The following EFCAB6 variants were observed in gnomAD, a reference collection of about 807,000 sequenced individuals.
EFCAB6 encodes the protein EF-hand calcium-binding domain-containing protein 6.
EFCAB6 carries 156 observed loss-of-function variants against 169.8 expected under a neutral mutation model. The observed-to-expected ratio is 0.92, with a 90% confidence interval of 0.81 to 1.05. The LOEUF is 1.05. EFCAB6 is among the 50% of genes least tolerant of loss of function. The pLI is 0.00. For synonymous variants in EFCAB6, 698 were observed against 676.4 expected, an observed-to-expected ratio of 1.03 and a Z score of -0.50; for missense variants, 1,800 against 1,829.1, an observed-to-expected ratio of 0.98 and a Z score of 0.29.
intron 10 of EFCAB6, among the ~76,000 whole-genome samples, chr22:43,690,474 C>T (rs886368065): frequency 6.6e-6 from 1 of 151,554 alleles, no homozygotes; most frequent in Non-Finnish European, 1.5e-5. Context: ...CGAGATCATG[C>T]CACTGCACTC....
chr22:43,633,949 G>C (rs999932198), intron 18 of EFCAB6, among the ~76,000 whole-genome samples: 5 of 152,170 alleles, frequency 3.3e-5, no homozygotes, highest in Non-Finnish European at 7.4e-5. Context: ...TCTCCACCTT[G>C]CTAGAATCTT....
intron 5 of EFCAB6, among the ~76,000 whole-genome samples, chr22:43,758,441 T>A (rs1387641845): frequency 6.6e-6 from 1 of 152,224 alleles, no homozygotes; most frequent in Admixed American, 6.5e-5. Context: ...AAAATCACAA[T>A]GTGCATATAT....
chr22:43,582,118 C>T (rs544219180), intron 24 of EFCAB6, among the ~76,000 whole-genome samples: 1 of 152,186 alleles, frequency 6.6e-6, no homozygotes, highest in African/African-American at 2.4e-5. Context: ...AAATCCCAGT[C>T]CTTTTGTTGT....
At chr22:43,539,117 C>T (rs2047548241) in intron 28 of EFCAB6, among the ~76,000 whole-genome samples, 1 of 152,036 alleles carries the variant, frequency 6.6e-6, no homozygotes, top group South Asian at 2.1e-4. Context: ...CATGTGATTA[C>T]CCTGAGCCCA....
chr22:43,631,988 C>G, intron 19 of EFCAB6, 117 bp downstream of exon 19: 1 of 1,420,710 alleles, frequency 7.0e-7, no homozygotes, highest in Non-Finnish European at 9.5e-7. Context: ...GGGAAATGCT[C>G]TGTGTCCCTT....
At chr22:43,539,090 A>G (rs1342113536) in intron 28 of EFCAB6, among the ~76,000 whole-genome samples, 2 of 152,008 alleles carry the variant, frequency 1.3e-5, no homozygotes. Flanking sequence ...CTGCCTCTGG[A>G]TTCCCAGTTA....
chr22:43,743,211 CTG>C (rs749599612), intron 6 of EFCAB6, among the ~76,000 whole-genome samples: 1 of 152,202 alleles, frequency 6.6e-6, no homozygotes, highest in African/African-American at 2.4e-5. Flanking sequence ...GAAGCAGAGA[CTG>C]TCTGACCTTT....
rs185460934 is a variant in EFCAB6 at position 43,657,030 on chromosome 22, C to T, written c.1983+10074G>A. ...GATGGCCAGGCATGGTGGCTCACAC[C>T]TATAATCCCAGTACTTCGGGAGGCT... is the stretch of plus-strand genomic sequence containing the variant. On this transcript the variant is annotated intron_variant, in intron 17 of 31. Transcript: ENST00000262726. 2.6e-5 allele frequency among the ~76,000 whole-genome samples: 4 copies of T among 152,308 alleles called. No individual in the cohort carries two copies. The East Asian group carries it at 7.7e-4, about 29-fold the overall frequency.
At chr22:43,784,541 G>GTGTGTGTGTGTGTGTATATA (rs1556409935) in intron 2 of EFCAB6, among the ~76,000 whole-genome samples, 1 of 79,706 alleles carries the variant, frequency 1.3e-5, no homozygotes, top group East Asian at 6.2e-4. Context: ...GTGTGTGTGT[G>GTGTGTGTGTGTGTGTATATA]TGTATATGTA....
chr22:43,598,311 G>A (rs137715), intron 23 of EFCAB6, among the ~76,000 whole-genome samples: 111,715 of 112,860 alleles, frequency 0.99, 55,300 homozygotes, highest in Middle Eastern at 0.99. Context: ...CTGTCTCCGG[G>A]AAAAAAAAAA....
At chr22:43,630,572 T>C (rs371864379) in intron 19 of EFCAB6, among the ~76,000 whole-genome samples, 1 of 152,230 alleles carries the variant, frequency 6.6e-6, no homozygotes, top group South Asian at 2.1e-4. Context: ...GGGGCCTGCA[T>C]TGCAATGGGC....
chr22:43,799,393 A>T (rs1484892887), intron 2 of EFCAB6, among the ~76,000 whole-genome samples: 1 of 151,884 alleles, frequency 6.6e-6, no homozygotes, highest in Non-Finnish European at 1.5e-5. Flanking sequence ...CATGTGTTAA[A>T]ATTTCATAGG....
intron 3 of EFCAB6, among the ~76,000 whole-genome samples, chr22:43,773,335 A>G (rs180826143): frequency 1.8e-4 from 28 of 152,356 alleles, no homozygotes; most frequent in African/African-American, 6.7e-4. Context: ...AGTAAGAAAA[A>G]AAAAGAGAAT....
At chr22:43,534,612 C>A in intron 30 of EFCAB6, 76 bp downstream of exon 30, 3 of 1,375,060 alleles carry the variant, frequency 2.2e-6, no homozygotes, top group South Asian at 1.5e-5. Flanking sequence ...TAGAGTAAGA[C>A]CCTGTCTTGA....
At chr22:43,766,357 A>G (rs1473428218) in intron 4 of EFCAB6, among the ~76,000 whole-genome samples, 3 of 152,046 alleles carry the variant, frequency 2.0e-5, no homozygotes, top group African/African-American at 7.2e-5. Context: ...TTAAATATAT[A>G]TATATGTGTA....
chr22:43,543,642 G>A (rs983573125), intron 27 of EFCAB6, among the ~76,000 whole-genome samples: 5 of 152,150 alleles, frequency 3.3e-5, no homozygotes, highest in South Asian at 2.1e-4. Context: ...CTGAGGGGAT[G>A]AGCCCAATAG....
intron 26 of EFCAB6, among the ~76,000 whole-genome samples, chr22:43,559,870 G>C (rs923562798): frequency 1.3e-5 from 2 of 152,118 alleles, no homozygotes; most frequent in African/African-American, 2.4e-5. Flanking sequence ...TGTTGGGTGG[G>C]GGGCAAGGGG....
At chr22:43,534,622 A>C (rs1319275189) in intron 30 of EFCAB6, 66 bp downstream of exon 30, 31 of 1,460,522 alleles carry the variant, frequency 2.1e-5, no homozygotes, top group Non-Finnish European at 2.8e-5. Flanking sequence ...CCCTGTCTTG[A>C]AAAAAATAAA....
chr22:43,712,827 G>C (rs1431071372), intron 9 of EFCAB6, among the ~76,000 whole-genome samples: 1 of 152,070 alleles, frequency 6.6e-6, no homozygotes, highest in Non-Finnish European at 1.5e-5. Flanking sequence ...CGATGATCAA[G>C]AGCTTTTAGA....
Sources: gnomAD v4.1 joint callset for allele counts (sites outside exome capture counted in the v4.1 genomes callset) on GRCh38, gnomAD v4.1.1 for gene constraint, MANE v1.5 for transcripts, NCBI Gene and HGNC (gene_info 2026-07-23, HGNC 2026-07-21) for gene names.